The following PIGG variants were observed in gnomAD, a reference collection of about 807,000 sequenced individuals.
PIGG encodes the protein phosphatidylinositol glycan anchor biosynthesis class G (EMM blood group), also known as GPI ethanolamine phosphate transferase 2, catalytic subunit.
Under a neutral mutation model 83.2 loss-of-function variants are expected in PIGG, and 70 were observed. The observed-to-expected ratio is 0.84, with a 90% CI of 0.69 to 1.03. PIGG has a LOEUF of 1.03. PIGG is among the 50% of genes least tolerant of loss of function. The probability of loss-of-function intolerance (pLI) is 0.00; values close to 1 mark genes in which losing one functional copy is unlikely to be tolerated. For synonymous variants in PIGG, 532 were observed against 519.5 expected (o/e 1.02, Z -0.33); for missense variants, 1,257 against 1,233.6 (o/e 1.02, Z -0.28).
Position 530,715 on chromosome 4 carries a change from T to C in PIGG, c.2541T>C (p.Tyr847=), listed in dbSNP as rs781352236. 5 of 1,612,854 alleles carry C rather than the reference T, an allele frequency of 3.1e-6. No individual in the cohort carries two copies. The highest frequency in any genetic ancestry group is 2.2e-5 in the South Asian group (2 of 91,024). ...CAGCTGAGATTACTGTGATGCATTA[T>C]TGGTTTGGTCAAGCATTCTTCTATT... ...HDAAEITVMH[Y]WFGQAFFYFQ... Residue 847 remains tyrosine (Y), a synonymous_variant, in exon 11 of 13, where the codon TAT becomes TAC. Transcript: ENST00000453061.
At chr4:508,730 A>G (rs1720798736) in intron 4 of PIGG, 99 bp from the exon 5 acceptor site, 3 of 1,042,230 alleles carry the variant, frequency 2.9e-6, no homozygotes, top group Non-Finnish European at 4.3e-6. Context: ...AAAGAGCTAC[A>G]ACTCTATAAA....
chr4:507,734 G>A (rs192844653), intron 4 of PIGG, 141 bp downstream of exon 4: 25 of 695,796 alleles, frequency 3.6e-5, no homozygotes, highest in African/African-American at 1.6e-4. Flanking sequence ...CATGCCACAC[G>A]GGCAGCACTG....
rs758199421 is a variant in PIGG, at chr4:523,836, C to T, written c.1992C>T (p.Cys664=). 3.7e-6 allele frequency: 6 copies of T among 1,603,340 alleles called. No individual in the cohort carries two copies. In the Admixed American group the frequency reaches 1.0e-4, roughly 28 times the overall value. The change falls in exon 9 of 13, where the codon TGC becomes TGT. Residue 664 remains cysteine (C), a synonymous_variant. Transcript: ENST00000453061. ...VLASPWLILA[C]CRLLRSLNQT... is the part of the protein sequence containing the mutation. ...CCAGTCCGTGGCTAATACTGGCCTG[C>T]TGCCGGCTGCTGCGCTCCCTAAACC...
chr4:500,440 A>G lies in PIGG; in HGVS notation c.199A>G (p.Lys67Glu). The change falls in exon 2 of 13, where the codon AAA becomes GAA. Residue 67 changes from lysine to glutamate, a missense_variant. Lys to Glu is a moderately conservative substitution (Grantham distance 56). Transcript: ENST00000453061. The part of the protein sequence containing the change: ...WTTLPPPLFS[K>E]VVIVLIDALR... ...CACGCTGCCACCACCTCTCTTCAGTAAAGTTGTTATTGTTCTGATAGATGC... is the reference window on the plus strand; with the variant it reads ...CACGCTGCCACCACCTCTCTTCAGTGAAGTTGTTATTGTTCTGATAGATGC... 1.2e-6 allele frequency: 2 copies of G among 1,613,990 alleles called. No homozygotes were observed. Among genetic ancestry groups the G allele is most frequent in the Non-Finnish European group, 8.5e-7 (1 of 1,179,890 alleles).
At chr4:538,348 G>A (rs1249428393) in intron 12 of PIGG, among the ~76,000 whole-genome samples, 1 of 152,118 alleles carries the variant, frequency 6.6e-6, no homozygotes, top group African/African-American at 2.4e-5. Flanking sequence ...TACTTCGAGG[G>A]GTGGCTCTTA....
chr4:535,986 G>A (rs1450124484), intron 12 of PIGG, among the ~76,000 whole-genome samples: 1 of 152,168 alleles, frequency 6.6e-6, no homozygotes, highest in Non-Finnish European at 1.5e-5. Context: ...CAGGACATGC[G>A]GGCAGGGCCC....
In PIGG at chr4:533,696, G is replaced by C. The variant is rs187163304; in HGVS notation, c.2572-122G>C. On this transcript the variant is annotated intron_variant, in intron 11 of 12. Coordinates refer to ENST00000453061, the MANE Select transcript of PIGG (RefSeq NM_001127178.3). ...GCCACCTCTGACCACACGTGTGTCC[G>C]TGCCGGCGTGGTTATCTGGGCTGCC... 1.5e-4 allele frequency: 133 copies of C among 870,890 alleles called. No individual in the cohort carries two copies. In the East Asian group the frequency reaches 3.3e-3, roughly 22 times the overall value. The allele number at this position is 870,890 out of a possible 1,614,324, so 53.9% of individuals were successfully genotyped here.
At position 533,026 on chromosome 4, in the gene PIGG, T is replaced by A. The variant is rs1471789041; in HGVS notation, c.2572-792T>A. 5 of 150,268 alleles carry A rather than the reference T, an allele frequency of 3.3e-5. No homozygotes were observed. In the Admixed American group the frequency reaches 3.3e-4, roughly 10 times the overall value. 9.3% of individuals were successfully genotyped at this position (150,268 alleles called of 1,614,324 possible). A position where few individuals can be genotyped will look rare whatever the true frequency, so the allele number is the denominator to read the frequency against. On this transcript the variant is annotated intron_variant, in intron 11 of 12. Transcript: ENST00000453061. ...GAGGTAGGGCCTAGGAGTGGAAAGG[T>A]GTGGTCTTGGAGTGGAGAGGCGGGG...
chr4:508,031 T>G (rs1318025623), intron 4 of PIGG, among the ~76,000 whole-genome samples: 19 of 152,260 alleles, frequency 1.2e-4, no homozygotes, highest in Admixed American at 1.2e-3. Context: ...CTGTCTGTTC[T>G]GTGTCTCTGT....
chr4:499,821 A>G, intron 1 of PIGG: 1 of 926,452 alleles, frequency 1.1e-6, no homozygotes, highest in East Asian at 5.0e-5. Context: ...ACTCCCCGTT[A>G]TAGGCGCCCT....
rs756321838 is a variant in PIGG at position 523,734 on chromosome 4, C to T, written c.1890C>T (p.Val630=). ...GGCAGGACGGGCCTGGCTGTGATGT[C>T]CTGGAGCGAGACAAAGGCCACGGAA... ...AAWQDGPGCD[V]LERDKGHGSP... is the part of the protein sequence containing the mutation. The change falls in exon 9 of 13, where the codon GTC becomes GTT. Residue 630 remains valine, a synonymous_variant. Transcript: ENST00000453061. The T allele has an allele frequency of 3.7e-6, 6 of 1,614,200 alleles. No individual in the cohort carries two copies. The highest frequency in any genetic ancestry group is 2.2e-5 in the South Asian group (2 of 91,090).
At chr4:504,089 T>A (rs1718744746) in intron 2 of PIGG, among the ~76,000 whole-genome samples, 1 of 152,258 alleles carries the variant, frequency 6.6e-6, no homozygotes, top group Non-Finnish European at 1.5e-5. Context: ...CCTAGGAATG[T>A]TGGTGGCTGT....
chr4:539,467 T>A lies in PIGG; in HGVS notation c.*98T>A. The stretch of plus-strand genomic sequence containing the variant: ...AACAAAGTTGATGGATAACTTTCTT[T>A]GACTGCTCTACCTGAATTTAGACTA... On this transcript the variant is annotated 3_prime_UTR_variant, in exon 13 of 13. Transcript: ENST00000453061. The A allele has an allele frequency of 1.4e-6, 1 of 702,806 alleles. No homozygotes were observed. Among genetic ancestry groups the A allele is most frequent in the South Asian group, 1.8e-5 (1 of 55,168 alleles). The allele number at this position is 702,806 out of a possible 1,614,324, so 43.5% of individuals were successfully genotyped here.
In PIGG at chr4:499,445, G is replaced by C. The variant is rs782188298; in HGVS notation, c.110G>C (p.Arg37Thr). 3.7e-6 allele frequency: 6 copies of C among 1,605,038 alleles called. No individual in the cohort carries two copies. Among genetic ancestry groups the C allele is most frequent in the Admixed American group, 3.3e-5 (2 of 59,892 alleles). ...CCGGCTCCCGTTCGTTCCTCTGCCA[G>C]AGCGGAACACGGAGCGGAGCCCCCA... ...FFPAPVRSSA[R>T]AEHGAEPPAP... The change falls in exon 1 of 13, where the codon AGA becomes ACA. Residue 37 changes from arginine to threonine, a missense_variant. Coordinates refer to ENST00000453061, the MANE Select transcript of PIGG (RefSeq NM_001127178.3).
Position 527,308 on chromosome 4 carries a change from C to A in PIGG, c.2261+78C>A, listed in dbSNP as rs546230500. 6.2e-5 allele frequency: 91 copies of A among 1,458,232 alleles called. 2 individuals carry two copies. In the South Asian group the frequency reaches 1.2e-3, roughly 20 times the overall value. 90.3% of individuals were successfully genotyped at this position (1,458,232 alleles called of 1,614,324 possible). A position where few individuals can be genotyped will look rare whatever the true frequency, so the allele number is the denominator to read the frequency against. ...CTGGCGGACACGGGGCGCGTGGAAC[C>A]ACTTCACTGTTTGATGAACTGAGAA... On this transcript the variant is annotated intron_variant, in intron 10 of 12. Transcript: ENST00000453061.
rs1249169730 is a variant in PIGG at position 530,606 on chromosome 4, C to T, written c.2432C>T (p.Pro811Leu). 1.3e-5 allele frequency: 21 copies of T among 1,613,750 alleles called. No homozygotes were observed. Among genetic ancestry groups the T allele is most frequent in the Non-Finnish European group, 1.6e-5 (19 of 1,179,744 alleles). Residue 811 changes from proline to leucine, a missense_variant, in exon 11 of 13, where the codon CCA becomes CTA. By Grantham distance (98) the Pro-to-Leu change is moderately conservative. Transcript: ENST00000453061. ...CTTCTGGCAGCCTTGCTCTTTAGAC[C>T]ACATAATCTTCCGGTCTTAGCATTT... ...LVLLAALLFR[P>L]HNLPVLAFSL... is the part of the protein sequence containing the mutation.
Position 528,129 on chromosome 4 carries a change from T to G in PIGG, c.2261+899T>G. ...GTGACCCTCTCAGTGAGGTCGGTGC[T>G]CTGCAGAGGGGTCTTCTGGCTGTTA... On this transcript the variant is annotated intron_variant, in intron 10 of 12. Coordinates refer to ENST00000453061, the MANE Select transcript of PIGG (RefSeq NM_001127178.3). The surrounding 1 kb of genome is among the most constrained non-coding windows in gnomAD (Gnocchi z 4.8). 1 of 985,344 alleles carries G rather than the reference T, an allele frequency of 1.0e-6. No individual in the cohort carries two copies. Among genetic ancestry groups the G allele is most frequent in the Non-Finnish European group, 1.2e-6 (1 of 829,916 alleles). 61.0% of individuals were successfully genotyped at this position (985,344 alleles called of 1,614,324 possible).
At chr4:522,605 C>T (rs1172467730) in intron 8 of PIGG, 1 of 161,224 alleles carries the variant, frequency 6.2e-6, no homozygotes, top group African/African-American at 2.4e-5. Context: ...CACCCCAACC[C>T]TGCGCAGCCC....
chr4:521,043 G>A lies in PIGG; in HGVS notation c.1115-13G>A. 6.3e-7 allele frequency: 1 copy of A among 1,596,576 alleles called. No homozygotes were observed. Among genetic ancestry groups the A allele is most frequent in the Non-Finnish European group, 8.6e-7 (1 of 1,164,050 alleles). The stretch of plus-strand genomic sequence containing the variant: ...GTGTGTGCGCGCCTGTAACCTTTCT[G>A]TCTTCTTAATAGATCCTGGGTTTGA... On this transcript the variant is annotated splice_polypyrimidine_tract_variant and intron_variant, in intron 6 of 12. Transcript: ENST00000453061.
Sources: gnomAD v4.1 joint callset for allele counts (sites outside exome capture counted in the v4.1 genomes callset) on GRCh38, gnomAD v4.1.1 for gene constraint, Gnocchi (gnomAD v3.1) non-coding constraint, MANE v1.5 for transcripts, NCBI Gene and HGNC (gene_info 2026-07-23, HGNC 2026-07-21) for gene names.